EBF3: variants seen among roughly 807,000 people sequenced by gnomAD.
EBF3 encodes transcription factor COE3.
In EBF3, 18 loss-of-function variants were observed where a neutral mutation model predicts 77.1. That is an observed-to-expected ratio of 0.23 (90% confidence interval 0.16 to 0.35). The LOEUF (loss-of-function observed/expected upper bound fraction) is 0.35. Ranked by LOEUF, EBF3 falls within the 10% of genes least tolerant of loss-of-function variation. EBF3 has a pLI of 1.00. For synonymous variants in EBF3, 350 were observed against 343.5 expected, an observed-to-expected ratio of 1.02 and a Z score of -0.21; for missense variants, 558 against 860.0, an observed-to-expected ratio of 0.65 and a Z score of 4.39.
intron 6 of EBF3, among the ~76,000 whole-genome samples, chr10:129,889,747 G>A (rs1853876777): frequency 6.6e-6 from 1 of 150,376 alleles, no homozygotes; most frequent in Non-Finnish European, 1.5e-5. Context: ...TGGGTGCAGG[G>A]AGGGGAAGTA....
chr10:129,852,297 G>A (rs912194790), intron 10 of EBF3, among the ~76,000 whole-genome samples: 4 of 152,220 alleles, frequency 2.6e-5, no homozygotes, highest in Admixed American at 6.5e-5. Context: ...AAATATTTAA[G>A]TCATGCCCGT....
In EBF3 at chr10:129,867,855, G is replaced by T. The variant is rs199743589; in HGVS notation, c.839C>A (p.Thr280Asn). 3.1e-6 allele frequency: 5 copies of T among 1,614,254 alleles called. No homozygotes were observed. The African/African-American group carries it at 6.7e-5, about 22-fold the overall frequency. The change falls in exon 9 of 17, where the codon ACC (threonine) becomes AAC (asparagine). Residue 280 changes from threonine (T) to asparagine (N), a missense_variant. Thr to Asn is a moderately conservative substitution (Grantham distance 65). Coordinates refer to ENST00000440978, the MANE Select transcript of EBF3 (RefSeq NM_001375380.1). The stretch of plus-strand genomic sequence containing the variant: ...GAAGTTGTCGCCAATTATGATGACG[G>T]TGGCACCCCCCGTGGTCCAGCCTTC... ...PSEGWTTGGA[T>N]VIIIGDNFFD...
intron 10 of EBF3, among the ~76,000 whole-genome samples, chr10:129,859,130 G>T (rs780612414): frequency 1.3e-5 from 2 of 152,232 alleles, no homozygotes; most frequent in African/African-American, 4.8e-5. Flanking sequence ...GTAGCAAACA[G>T]TCCACATCGC....
chr10:129,880,098 A>G (rs1356675093), intron 6 of EBF3, among the ~76,000 whole-genome samples: 1 of 152,170 alleles, frequency 6.6e-6, no homozygotes, highest in Non-Finnish European at 1.5e-5. Context: ...AAGAGAACAG[A>G]GCGAGTTTTG....
rs1020485004 is a variant in EBF3, at chr10:129,861,219, C to T, written c.1039+5922G>A. On this transcript the variant is annotated intron_variant, in intron 10 of 16. Coordinates refer to ENST00000440978, the MANE Select transcript of EBF3 (RefSeq NM_001375380.1). The surrounding 1 kb of genome is among the most constrained non-coding windows in gnomAD (Gnocchi z 4.3). ...CTGCCCTCCCTCCCTTCCTTTGTGG[C>T]TCTGCCTAAGGGGCCCTGAGGACCC... Among the ~76,000 whole-genome samples, 1 of 152,158 alleles carries T rather than the reference C, an allele frequency of 6.6e-6. No individual in the cohort carries two copies. The highest frequency in any genetic ancestry group is 1.5e-5 in the Non-Finnish European group (1 of 68,030).
At chr10:129,875,230 TC>T (rs112559012) in intron 7 of EBF3, among the ~76,000 whole-genome samples, 2,059 of 136,450 alleles carry the variant, frequency 0.015, 71 homozygotes, top group African/African-American at 0.054. Flanking sequence ...GGAGTCTCGC[TC>T]TGTTGCCCAG....
At chr10:129,867,976 C>A in intron 8 of EBF3, 64 bp from the exon 9 acceptor site, 1 of 1,579,920 alleles carries the variant, frequency 6.3e-7, no homozygotes, top group Non-Finnish European at 8.6e-7. Context: ...CTGGGCCGCT[C>A]GGCCACCGCG....
intron 7 of EBF3, among the ~76,000 whole-genome samples, chr10:129,876,317 C>T (rs1306695881): frequency 6.6e-6 from 1 of 152,236 alleles, no homozygotes; most frequent in Non-Finnish European, 1.5e-5. Flanking sequence ...CACGAGATCA[C>T]CTGTAACTGA....
chr10:129,907,056 C>T (rs1014365227), intron 6 of EBF3, among the ~76,000 whole-genome samples: 1 of 152,228 alleles, frequency 6.6e-6, no homozygotes, highest in Non-Finnish European at 1.5e-5. Context: ...TGCTCAAACA[C>T]AGGATTGTCT....
chr10:129,873,608 A>T lies in EBF3; in HGVS notation c.637-12T>A. On this transcript the variant is annotated splice_polypyrimidine_tract_variant and intron_variant, in intron 7 of 16. Coordinates refer to ENST00000440978, the MANE Select transcript of EBF3 (RefSeq NM_001375380.1). ...GTCGATACAACAACCTGCAAAGATG[A>T]AGTGGATTTGAAAATGGAATTGGCA... 1 of 1,518,148 alleles carries T rather than the reference A, an allele frequency of 6.6e-7. No homozygotes were observed. Among genetic ancestry groups the T allele is most frequent in the Non-Finnish European group, 8.8e-7 (1 of 1,130,154 alleles). The allele number at this position is 1,518,148 out of a possible 1,614,324, so 94.0% of individuals were successfully genotyped here.
At chr10:129,884,093 TGATAA>T (rs1398984666) in intron 6 of EBF3, among the ~76,000 whole-genome samples, 1 of 152,198 alleles carries the variant, frequency 6.6e-6, no homozygotes, top group Non-Finnish European at 1.5e-5. Context: ...TTTCCCTGAC[TGATAA>T]GAGTGGCCAG....
chr10:129,941,110 C>A (rs888612803), intron 6 of EBF3, among the ~76,000 whole-genome samples: 1 of 152,284 alleles, frequency 6.6e-6, no homozygotes, highest in South Asian at 2.1e-4. Flanking sequence ...TGGGAAAATG[C>A]GTTTATTTTA....
intron 6 of EBF3, among the ~76,000 whole-genome samples, chr10:129,914,507 G>A (rs1446575885): frequency 1.3e-5 from 2 of 152,180 alleles, no homozygotes; most frequent in Admixed American, 1.3e-4. Context: ...TGGCAGGAGA[G>A]CAAGCAAAAT....
chr10:129,894,353 AGGGCT>A (rs1412192174), intron 6 of EBF3, among the ~76,000 whole-genome samples: 1 of 152,256 alleles, frequency 6.6e-6, no homozygotes, highest in Non-Finnish European at 1.5e-5. Context: ...AGTCACAACG[AGGGCT>A]GAGGACTCAC....
chr10:129,884,281 T>C (rs1350114835), intron 6 of EBF3, among the ~76,000 whole-genome samples: 2 of 152,178 alleles, frequency 1.3e-5, no homozygotes, highest in African/African-American at 4.8e-5. Context: ...ACAAAACCTG[T>C]AATGAGCAGT....
chr10:129,920,055 G>A (rs1490350362), intron 6 of EBF3, among the ~76,000 whole-genome samples: 8 of 117,934 alleles, frequency 6.8e-5, no homozygotes, highest in Admixed American at 8.6e-5. Context: ...CCACAAACCC[G>A]CCCCGCTGTG....
chr10:129,901,436 C>T (rs1854771201), intron 6 of EBF3, among the ~76,000 whole-genome samples: 3 of 152,156 alleles, frequency 2.0e-5, no homozygotes, highest in Admixed American at 1.3e-4. Context: ...GTCCAGGGTG[C>T]GATCCTACCA....
chr10:129,894,136 G>A (rs1200365197), intron 6 of EBF3, among the ~76,000 whole-genome samples: 1 of 152,142 alleles, frequency 6.6e-6, no homozygotes, highest in Non-Finnish European at 1.5e-5. Context: ...TGATATAGAC[G>A]TGGGCTGGCT....
chr10:129,879,629 A>G lies in EBF3; in HGVS notation c.555-1780T>C, dbSNP rs1369995564. Among the ~76,000 whole-genome samples, 1 of 151,984 alleles carries G rather than the reference A, an allele frequency of 6.6e-6. No individual in the cohort carries two copies. The highest frequency in any genetic ancestry group is 1.5e-5 in the Non-Finnish European group (1 of 68,004). On this transcript the variant is annotated intron_variant, in intron 6 of 16. Transcript: ENST00000440978. The surrounding 1 kb of genome is among the most constrained non-coding windows in gnomAD (Gnocchi z 4.7). The stretch of plus-strand genomic sequence containing the variant: ...CAGAATTTACATCTTTTATTAACTC[A>G]CCTCACCTATACACTTAGCTCACAA...
Sources: gnomAD v4.1 joint callset for allele counts (sites outside exome capture counted in the v4.1 genomes callset) on GRCh38, gnomAD v4.1.1 for gene constraint, Gnocchi (gnomAD v3.1) non-coding constraint, MANE v1.5 for transcripts, NCBI Gene and HGNC (gene_info 2026-07-23, HGNC 2026-07-21) for gene names.